The following CDH12 variants were observed in gnomAD, a reference collection of about 807,000 sequenced individuals.
CDH12 encodes cadherin-12.
In CDH12, 41 loss-of-function variants were observed where a neutral mutation model predicts 74.1. The ratio of observed to expected loss-of-function variants is 0.55; its 90% CI spans 0.43 to 0.72. The LOEUF is 0.72. CDH12 is among the 30% of genes least tolerant of loss of function. The pLI, the probability that CDH12 is intolerant of heterozygous loss-of-function variation, is 0.00. For missense variants in CDH12, 945 were observed against 977.2 expected, an observed-to-expected ratio of 0.97 and a Z score of 0.44; for synonymous variants, 399 against 355.0, an observed-to-expected ratio of 1.12 and a Z score of -1.39.
intron 1 of CDH12, among the ~76,000 whole-genome samples, chr5:22,673,358 C>T (rs1337637333): frequency 6.6e-6 from 1 of 152,040 alleles, no homozygotes; most frequent in Non-Finnish European, 1.5e-5. Context: ...AAACTATTTG[C>T]ACTTAATTAT....
At chr5:21,940,235 A>G (rs1342089904) in intron 6 of CDH12, among the ~76,000 whole-genome samples, 4 of 152,086 alleles carry the variant, frequency 2.6e-5, no homozygotes, top group Non-Finnish European at 5.9e-5. Flanking sequence ...TCAAAAAAAA[A>G]GAAAAGTTAT....
At chr5:21,835,863 G>A (rs1190676290) in intron 8 of CDH12, among the ~76,000 whole-genome samples, 1 of 151,718 alleles carries the variant, frequency 6.6e-6, no homozygotes, top group Non-Finnish European at 1.5e-5. Context: ...AGTTTTAACT[G>A]AATAAATGTA....
chr5:22,777,890 T>G (rs758233442), intron 1 of CDH12, among the ~76,000 whole-genome samples: 6 of 152,148 alleles, frequency 3.9e-5, no homozygotes, highest in Admixed American at 1.3e-4. Context: ...TTAAGCTCAC[T>G]GCAACCTTCA....
chr5:22,657,722 A>G (rs1199318625), intron 1 of CDH12, among the ~76,000 whole-genome samples: 1 of 152,148 alleles, frequency 6.6e-6, no homozygotes, highest in Non-Finnish European at 1.5e-5. Flanking sequence ...CAAAGTATAA[A>G]CTCACGTGCT....
At chr5:22,262,914 G>T (rs984548462) in intron 3 of CDH12, among the ~76,000 whole-genome samples, 8 of 151,582 alleles carry the variant, frequency 5.3e-5, no homozygotes, top group African/African-American at 1.9e-4. Flanking sequence ...TACAAAATGG[G>T]AGAAAATTTT....
At chr5:22,372,953 A>G (rs191438139) in intron 3 of CDH12, among the ~76,000 whole-genome samples, 27 of 152,218 alleles carry the variant, frequency 1.8e-4, no homozygotes, top group Admixed American at 1.8e-3. Flanking sequence ...CTGCCCCAGT[A>G]AGCTACTCCT....
chr5:22,223,366 A>G lies in CDH12; in HGVS notation c.-332-10723T>C, dbSNP rs1207597169. 3.9e-5 allele frequency among the ~76,000 whole-genome samples: 6 copies of G among 152,126 alleles called. No homozygotes were observed. In the East Asian group the frequency reaches 7.8e-4, roughly 20 times the overall value. ...CGCATATAGAAGACATCAAGAAAAAACAGGTTGATCACAGTCTAAGAAAAA... is the reference window on the plus strand; with the variant it reads ...CGCATATAGAAGACATCAAGAAAAAGCAGGTTGATCACAGTCTAAGAAAAA... On this transcript the variant is annotated intron_variant, in intron 3 of 14. Transcript: ENST00000382254.
At chr5:22,322,258 G>A (rs1456975434) in intron 3 of CDH12, among the ~76,000 whole-genome samples, 2 of 152,118 alleles carry the variant, frequency 1.3e-5, no homozygotes, top group South Asian at 2.1e-4. Flanking sequence ...TTAGGATTCC[G>A]CTCATGGAGT....
chr5:22,377,731 C>T (rs1332408887), intron 3 of CDH12, among the ~76,000 whole-genome samples: 1 of 152,066 alleles, frequency 6.6e-6, no homozygotes, highest in African/African-American at 2.4e-5. Flanking sequence ...AATGTTTTAT[C>T]TCTCATTTGA....
chr5:22,797,605 G>T (rs1748295921), intron 1 of CDH12, among the ~76,000 whole-genome samples: 1 of 152,114 alleles, frequency 6.6e-6, no homozygotes, highest in Admixed American at 6.5e-5. Flanking sequence ...ATAGATATTT[G>T]TCAGTAACCA....
chr5:22,534,688 A>T (rs557841011), intron 1 of CDH12, among the ~76,000 whole-genome samples: 86 of 152,058 alleles, frequency 5.7e-4, no homozygotes, highest in African/African-American at 1.9e-3. Context: ...GGGAGAGGCC[A>T]TATGGAGGAG....
intron 1 of CDH12, among the ~76,000 whole-genome samples, chr5:22,636,430 T>C (rs1477946313): frequency 6.6e-6 from 1 of 152,044 alleles, no homozygotes; most frequent in Non-Finnish European, 1.5e-5. Flanking sequence ...GTCTGGAAAC[T>C]TATGAGTAGA....
chr5:22,410,034 TA>T (rs1471397906), intron 2 of CDH12, among the ~76,000 whole-genome samples: 1 of 152,138 alleles, frequency 6.6e-6, no homozygotes, highest in East Asian at 1.9e-4. Flanking sequence ...CTAGTTTAAT[TA>T]AAACAGATTT....
intron 6 of CDH12, among the ~76,000 whole-genome samples, chr5:21,970,555 G>T (rs1296584677): frequency 1.3e-5 from 2 of 151,830 alleles, no homozygotes; most frequent in Non-Finnish European, 2.9e-5. Context: ...GTAGTCTCTG[G>T]TTGGCTGGGC....
At chr5:21,853,950 T>G (rs112850262) in intron 7 of CDH12, among the ~76,000 whole-genome samples, 1,992 of 151,774 alleles carry the variant, frequency 0.013, 41 homozygotes, top group African/African-American at 0.045. Flanking sequence ...GAAGGCCTAC[T>G]CTGATCATCG....
At chr5:22,535,127 A>G (rs1293246957) in intron 1 of CDH12, among the ~76,000 whole-genome samples, 1 of 127,642 alleles carries the variant, frequency 7.8e-6, no homozygotes, top group Non-Finnish European at 1.6e-5. Flanking sequence ...GCCTGCCACC[A>G]TGCCTGGCTA....
At chr5:22,079,750 A>C (rs1266141317) in intron 4 of CDH12, among the ~76,000 whole-genome samples, 1 of 152,164 alleles carries the variant, frequency 6.6e-6, no homozygotes, top group Non-Finnish European at 1.5e-5. Context: ...GCGTTTTTAA[A>C]TTCACTTATC....
chr5:22,325,800 CG>C (rs574801685), intron 3 of CDH12, among the ~76,000 whole-genome samples: 193 of 152,062 alleles, frequency 1.3e-3, no homozygotes, highest in African/African-American at 4.4e-3. Flanking sequence ...CCCAGCTGCT[CG>C]GGAGGCTGAG....
intron 1 of CDH12, among the ~76,000 whole-genome samples, chr5:22,711,907 A>G (rs1743308960): frequency 6.6e-6 from 1 of 152,026 alleles, no homozygotes; most frequent in Non-Finnish European, 1.5e-5. Context: ...CCAAGCCTTA[A>G]AGTAACTCAC....
Sources: gnomAD v4.1 joint callset for allele counts (sites outside exome capture counted in the v4.1 genomes callset) on GRCh38, gnomAD v4.1.1 for gene constraint, MANE v1.5 for transcripts, NCBI Gene and HGNC (gene_info 2026-07-23, HGNC 2026-07-21) for gene names.